MMD: variants seen among roughly 807,000 people sequenced by gnomAD.
MMD encodes monocyte to macrophage differentiation factor.
A neutral mutation model predicts 33.6 loss-of-function variants in MMD; 22 were observed. The ratio of observed to expected loss-of-function variants is 0.66; its 90% CI spans 0.47 to 0.94. The LOEUF is 0.94. Among genes scored for constraint, MMD ranks in the 40% least tolerant of loss-of-function variants. MMD has a pLI of 0.00. For synonymous variants in MMD, 97 were observed against 103.2 expected (o/e 0.94, Z 0.36); for missense variants, 242 against 309.8 (o/e 0.78, Z 1.64).
chr17:55,421,553 G>T (rs1289008218), intron 1 of MMD, 117 bp downstream of exon 1: 2 of 1,421,192 alleles, frequency 1.4e-6, no homozygotes, highest in Non-Finnish European at 1.9e-6. Flanking sequence ...CCTGGCCAAG[G>T]TGCGGGATCC....
chr17:55,415,889 G>C (rs1437095895), intron 1 of MMD, among the ~76,000 whole-genome samples: 1 of 152,214 alleles, frequency 6.6e-6, no homozygotes, highest in Non-Finnish European at 1.5e-5. Flanking sequence ...CTCAAATATA[G>C]TTAACTATTA....
intron 2 of MMD, 92 bp from the exon 3 acceptor site, chr17:55,411,509 T>G: frequency 1.5e-6 from 2 of 1,360,276 alleles, no homozygotes; most frequent in East Asian, 4.9e-5. Context: ...CCAGGAACAA[T>G]TTTAGTAAAA....
intron 4 of MMD, among the ~76,000 whole-genome samples, chr17:55,406,500 G>A (rs533321692): frequency 6.6e-6 from 1 of 152,244 alleles, no homozygotes; most frequent in African/African-American, 2.4e-5. Context: ...GGTGGAGGTT[G>A]CATGAGCTGA....
chr17:55,411,959 C>A (rs1907782819), intron 2 of MMD, among the ~76,000 whole-genome samples: 1 of 152,080 alleles, frequency 6.6e-6, no homozygotes, highest in African/African-American at 2.4e-5. Context: ...CACCTGTAGT[C>A]CCAGCTATTT....
At position 55,411,370 on chromosome 17, in the gene MMD, C is replaced by T. The variant is rs541859882; in HGVS notation, c.156G>A (p.Leu52=). 1.9e-6 allele frequency: 3 copies of T among 1,614,056 alleles called. No homozygotes were observed. Among genetic ancestry groups the T allele is most frequent in the South Asian group, 2.2e-5 (2 of 91,078 alleles). The change falls in exon 3 of 7, where the codon CTG becomes CTA. Residue 52 remains leucine (L), a synonymous_variant. Coordinates refer to ENST00000262065, the MANE Select transcript of MMD (RefSeq NM_012329.3). The part of the protein sequence containing the change: ...AIVGSALLHR[L]SDDCWEKITA... ...TTATCTTTTCCCAGCAGTCATCAGA[C>T]AGCCGATGGAGGAGGGCACTGCCCA...
chr17:55,411,113 A>G, intron 3 of MMD, 144 bp downstream of exon 3: 2 of 913,314 alleles, frequency 2.2e-6, no homozygotes, highest in Non-Finnish European at 3.2e-6. Context: ...ACAAGTCCTG[A>G]ATAATGGGAT....
chr17:55,401,514 GAA>G lies in MMD; in HGVS notation c.469_470del (p.Phe157LeufsTer41). 1 of 1,612,004 alleles carries G rather than the reference GAA, an allele frequency of 6.2e-7. No homozygotes were observed. The highest frequency in any genetic ancestry group is 1.3e-5 in the African/African-American group (1 of 74,934). ...CTGGAGAGAATCCCATTGTGAGATA[GAA>G]AAAGAGTTCAACCACCTTATATCTG... ...HEKYKVVELF[F>X]YLTMGFSPAL... On this transcript the variant is annotated frameshift_variant, in exon 6 of 7. Transcript: ENST00000262065. LOFTEE classifies it high-confidence loss of function.
chr17:55,401,872 GACCATCCTGATTAACACGGTGAA>G (rs1279748380), intron 5 of MMD, among the ~76,000 whole-genome samples: 1 of 152,054 alleles, frequency 6.6e-6, no homozygotes, highest in African/African-American at 2.4e-5. Flanking sequence ...AGGAGATCGA[GACCATCCTGATTAACACGGTGAA>G]ACCCGTCCCT....
chr17:55,413,200 T>C (rs998716884), intron 2 of MMD, among the ~76,000 whole-genome samples: 4 of 152,324 alleles, frequency 2.6e-5, no homozygotes, highest in African/African-American at 9.6e-5. Flanking sequence ...CATTGTATTG[T>C]ACCAACAGTG....
intron 4 of MMD, among the ~76,000 whole-genome samples, chr17:55,406,506 G>C (rs1907551788): frequency 6.6e-6 from 1 of 151,884 alleles, no homozygotes; most frequent in African/African-American, 2.4e-5. Context: ...GGTTGCATGA[G>C]CTGAGACCAC....
At chr17:55,394,985 T>C (rs1299026463) in intron 6 of MMD, among the ~76,000 whole-genome samples, 2 of 152,220 alleles carry the variant, frequency 1.3e-5, no homozygotes, top group East Asian at 1.9e-4. Flanking sequence ...CAAACACTGT[T>C]CTACACTGAT....
At chr17:55,396,622 C>CT (rs746374996) in intron 6 of MMD, among the ~76,000 whole-genome samples, 19 of 149,372 alleles carry the variant, frequency 1.3e-4, no homozygotes, top group Non-Finnish European at 2.2e-4. Context: ...GGTGGTTATT[C>CT]TTTTTTTTTT....
intron 1 of MMD, among the ~76,000 whole-genome samples, chr17:55,417,429 T>C (rs1242110567): frequency 6.6e-6 from 1 of 152,034 alleles, no homozygotes; most frequent in Non-Finnish European, 1.5e-5. Context: ...CAAAGTCTCT[T>C]AACTAGTCTT....
chr17:55,417,664 A>T, intron 1 of MMD, among the ~76,000 whole-genome samples: 1 of 152,122 alleles, frequency 6.6e-6, no homozygotes, highest in Middle Eastern at 3.2e-3. Context: ...CAGGTGTGGT[A>T]GTGTATGCCT....
At chr17:55,403,409 C>T (rs914086514) in intron 5 of MMD, among the ~76,000 whole-genome samples, 1 of 152,166 alleles carries the variant, frequency 6.6e-6, no homozygotes, top group Non-Finnish European at 1.5e-5. Context: ...TATCTATTCT[C>T]TCCAATCTTC....
chr17:55,408,240 T>C (rs2143142320), intron 3 of MMD, among the ~76,000 whole-genome samples: 1 of 152,330 alleles, frequency 6.6e-6, no homozygotes, highest in South Asian at 2.1e-4. Context: ...AAAGTCCTGA[T>C]GTTCAGTAAA....
At chr17:55,409,470 A>G (rs1907680477) in intron 3 of MMD, among the ~76,000 whole-genome samples, 1 of 152,196 alleles carries the variant, frequency 6.6e-6, no homozygotes, top group Admixed American at 6.5e-5. Context: ...TCTGACTCTC[A>G]CTTACCTCAT....
At position 55,403,683 on chromosome 17, in the gene MMD, A is replaced by G. The variant is rs1907433493; in HGVS notation, c.446+84T>C. ...ATGTATTTCTACTGTTTTGAAGTAC[A>G]AATAAAAGTAAATTGTATTGCAGTG... is the stretch of plus-strand genomic sequence containing the variant. On this transcript the variant is annotated intron_variant, in intron 5 of 6. Coordinates refer to ENST00000262065, the MANE Select transcript of MMD (RefSeq NM_012329.3). 1.3e-5 allele frequency: 12 copies of G among 944,566 alleles called. No homozygotes were observed. The South Asian group carries it at 1.9e-4, about 15-fold the overall frequency. The allele number at this position is 944,566 out of a possible 1,614,324, so 58.5% of individuals were successfully genotyped here. A position where few individuals can be genotyped will look rare whatever the true frequency, so the allele number is the denominator to read the frequency against.
At chr17:55,404,265 G>T (rs1907456696) in intron 4 of MMD, among the ~76,000 whole-genome samples, 1 of 151,992 alleles carries the variant, frequency 6.6e-6, no homozygotes, top group African/African-American at 2.4e-5. Context: ...TGAGGCAGGA[G>T]AATTGCTTGA....
Sources: gnomAD v4.1 joint callset for allele counts (sites outside exome capture counted in the v4.1 genomes callset) on GRCh38, gnomAD v4.1.1 for gene constraint, MANE v1.5 for transcripts, NCBI Gene and HGNC (gene_info 2026-07-23, HGNC 2026-07-21) for gene names.